The following EXOC4 variants were observed in gnomAD, a reference collection of about 807,000 sequenced individuals.
EXOC4 encodes SEC8-like 1.
Under a neutral mutation model 107.2 loss-of-function variants are expected in EXOC4, and 71 were observed. The ratio of observed to expected loss-of-function variants is 0.66; its 90% CI spans 0.55 to 0.81. The LOEUF (loss-of-function observed/expected upper bound fraction) is 0.81. Among genes scored for constraint, EXOC4 ranks in the 30% least tolerant of loss-of-function variants. The pLI is 0.00. For missense variants in EXOC4, 1,108 were observed against 1,189.6 expected, an observed-to-expected ratio of 0.93 and a Z score of 1.01; for synonymous variants, 456 against 441.2, an observed-to-expected ratio of 1.03 and a Z score of -0.42.
At chr7:133,895,893 T>G (rs1160836846) in intron 12 of EXOC4, among the ~76,000 whole-genome samples, 158 bp downstream of exon 12, 1 of 152,182 alleles carries the variant, frequency 6.6e-6, no homozygotes, top group Non-Finnish European at 1.5e-5. Context: ...TAGACCTTTG[T>G]GTAGTCAGAC....
chr7:133,262,335 A>G (rs1352432195), intron 1 of EXOC4, among the ~76,000 whole-genome samples: 1 of 151,864 alleles, frequency 6.6e-6, no homozygotes, highest in Non-Finnish European at 1.5e-5. Flanking sequence ...CCATGAAATA[A>G]ATTATGACCT....
chr7:133,347,104 T>C (rs1795799748), intron 5 of EXOC4, among the ~76,000 whole-genome samples: 1 of 152,194 alleles, frequency 6.6e-6, no homozygotes, highest in Non-Finnish European at 1.5e-5. Flanking sequence ...CGAAGTAATT[T>C]TTTAAATAAA....
the EXOC4 span, among the ~76,000 whole-genome samples, chr7:134,075,702 G>T: frequency 6.6e-6 from 1 of 152,076 alleles, no homozygotes. Flanking sequence ...ACCATATCAG[G>T]GCTCTTCTGT....
At chr7:133,774,152 AGAGTTGGGAAGGCT>A (rs1034378989) in intron 10 of EXOC4, among the ~76,000 whole-genome samples, 1 of 152,126 alleles carries the variant, frequency 6.6e-6, no homozygotes. Flanking sequence ...CAGCCAGGGC[AGAGTTGGGAAGGCT>A]ACAGGATTGT....
At chr7:133,305,794 C>T in intron 3 of EXOC4, 83 bp from the exon 4 acceptor site, 1 of 1,238,798 alleles carries the variant, frequency 8.1e-7, no homozygotes, top group Non-Finnish European at 1.1e-6. Context: ...TTGTTAGTAT[C>T]TTTTTAAGAC....
chr7:133,851,528 T>G (rs1343465627), intron 11 of EXOC4, among the ~76,000 whole-genome samples: 29 of 152,152 alleles, frequency 1.9e-4, no homozygotes, highest in Non-Finnish European at 2.5e-4. Context: ...TCTCAGAAGG[T>G]GCCATTTGAG....
At chr7:133,866,447 G>GC (rs1183192150) in intron 11 of EXOC4, among the ~76,000 whole-genome samples, 37 of 152,172 alleles carry the variant, frequency 2.4e-4, no homozygotes, top group African/African-American at 7.0e-4. Context: ...CTTCACTACA[G>GC]CTGTGGAATA....
At chr7:133,253,290 CCT>C in intron 1 of EXOC4, 103 bp downstream of exon 1, 1 of 1,450,414 alleles carries the variant, frequency 6.9e-7, no homozygotes. Flanking sequence ...TCTCCCCTTT[CCT>C]CCTTGCCTCC....
chr7:133,726,863 C>T (rs1795226054), intron 10 of EXOC4, among the ~76,000 whole-genome samples: 1 of 152,168 alleles, frequency 6.6e-6, no homozygotes, highest in Admixed American at 6.5e-5. Flanking sequence ...TGCATGACAC[C>T]ATAGTGGAAT....
chr7:133,364,686 AG>A, intron 6 of EXOC4, among the ~76,000 whole-genome samples: 1 of 152,280 alleles, frequency 6.6e-6, no homozygotes, highest in Non-Finnish European at 1.5e-5. Flanking sequence ...AACACTCTTT[AG>A]ATAACATCAC....
At chr7:133,716,896 C>T (rs1795009486) in intron 10 of EXOC4, among the ~76,000 whole-genome samples, 1 of 152,126 alleles carries the variant, frequency 6.6e-6, no homozygotes, top group Admixed American at 6.5e-5. Context: ...GCCCAGATCA[C>T]ACCCCTGCAC....
the EXOC4 span, among the ~76,000 whole-genome samples, chr7:134,095,870 GA>G: frequency 6.6e-6 from 1 of 152,076 alleles, no homozygotes; most frequent in Non-Finnish European, 1.5e-5. Flanking sequence ...AATCCTAGAA[GA>G]AAACCTAGGA....
chr7:133,348,228 T>C (rs1795829841), intron 5 of EXOC4, among the ~76,000 whole-genome samples: 2 of 152,218 alleles, frequency 1.3e-5, no homozygotes, highest in South Asian at 4.1e-4. Flanking sequence ...TCAGCTGATG[T>C]AAGTGAAATA....
At chr7:133,960,672 A>T (rs921449894) in intron 14 of EXOC4, among the ~76,000 whole-genome samples, 1 of 152,196 alleles carries the variant, frequency 6.6e-6, no homozygotes, top group Non-Finnish European at 1.5e-5. Context: ...TGTGAAACCC[A>T]CTTGATCATG....
chr7:133,781,215 T>G (rs938310462), intron 10 of EXOC4, among the ~76,000 whole-genome samples: 1 of 152,244 alleles, frequency 6.6e-6, no homozygotes, highest in African/African-American at 2.4e-5. Context: ...AAGAAGGCTT[T>G]TGGAAGCAGA....
At chr7:133,439,357 G>A (rs969435199) in intron 7 of EXOC4, among the ~76,000 whole-genome samples, 2 of 151,530 alleles carry the variant, frequency 1.3e-5, no homozygotes, top group African/African-American at 2.4e-5. Flanking sequence ...GCTAATTTTT[G>A]TATTTTTAGT....
At chr7:133,453,487 T>A (rs976634980) in intron 7 of EXOC4, among the ~76,000 whole-genome samples, 2 of 152,224 alleles carry the variant, frequency 1.3e-5, no homozygotes, top group Non-Finnish European at 2.9e-5. Context: ...TTGAAAAATT[T>A]AAACATTTTG....
intron 9 of EXOC4, among the ~76,000 whole-genome samples, chr7:133,603,289 T>G (rs1452937318): frequency 6.6e-6 from 1 of 152,204 alleles, no homozygotes; most frequent in African/African-American, 2.4e-5. Context: ...CTGTCTGGAT[T>G]GATTTAGAGC....
intron 17 of EXOC4, chr7:134,009,930 T>C (rs1399663610): frequency 2.6e-5 from 4 of 152,170 alleles, no homozygotes; most frequent in African/African-American, 9.6e-5. Flanking sequence ...CGATGAAGCA[T>C]TTCTTCAGGA....
Sources: gnomAD v4.1 joint callset for allele counts (sites outside exome capture counted in the v4.1 genomes callset) on GRCh38, gnomAD v4.1.1 for gene constraint, MANE v1.5 for transcripts, NCBI Gene and HGNC (gene_info 2026-07-23, HGNC 2026-07-21) for gene names.